The following PCDHA6 variants were observed in gnomAD, a reference collection of about 807,000 sequenced individuals.
PCDHA6 encodes protocadherin alpha 6.
PCDHA6 carries 55 observed loss-of-function variants against 60.3 expected under a neutral mutation model. The ratio of observed to expected loss-of-function variants is 0.91; its 90% CI spans 0.73 to 1.14. The LOEUF is 1.14. PCDHA6 is among the 50% of genes most tolerant of loss of function. The pLI is 0.00. For synonymous variants in PCDHA6, 652 were observed against 557.9 expected (o/e 1.17, Z -2.38); for missense variants, 1,327 against 1,256.5 (o/e 1.06, Z -0.85).
At chr5:140,922,577 T>C (rs155818) in intron 1 of PCDHA6, among the ~76,000 whole-genome samples, 48,013 of 152,060 alleles carry the variant, frequency 0.32, 7,938 homozygotes, top group East Asian at 0.53. Flanking sequence ...AGTTGCCCTG[T>C]AGCCGCCAGT....
At chr5:140,947,153 C>T (rs1306730368) in intron 1 of PCDHA6, among the ~76,000 whole-genome samples, 4 of 150,836 alleles carry the variant, frequency 2.7e-5, no homozygotes, top group African/African-American at 4.9e-5. Context: ...GTTACTTCCA[C>T]GGGGTAGAAA....
chr5:140,904,716 G>T, intron 1 of PCDHA6, among the ~76,000 whole-genome samples: 1 of 151,886 alleles, frequency 6.6e-6, no homozygotes. Context: ...ACCACATTCT[G>T]GCCAACATCT....
intron 1 of PCDHA6, chr5:140,835,800 C>T (rs1773939889): frequency 2.5e-6 from 4 of 1,612,944 alleles, no homozygotes; most frequent in Non-Finnish European, 3.4e-6. Context: ...GCCGGGCTGC[C>T]ACATCTTCAC....
chr5:140,981,948 G>T (rs544785800), intron 2 of PCDHA6, among the ~76,000 whole-genome samples: 26 of 152,230 alleles, frequency 1.7e-4, no homozygotes, highest in African/African-American at 6.0e-4. Context: ...TATAGGGTGG[G>T]TCATCTATGC....
chr5:140,966,800 G>T, intron 1 of PCDHA6: 1 of 1,540,654 alleles, frequency 6.5e-7, no homozygotes, highest in East Asian at 2.4e-5. Flanking sequence ...TGCGGCGACA[G>T]AGCATCCACG....
At chr5:140,856,715 G>A (rs1233191211) in intron 1 of PCDHA6, 4 of 1,596,328 alleles carry the variant, frequency 2.5e-6, no homozygotes, top group Admixed American at 1.7e-5. Context: ...TGAATTTACC[G>A]GATCTGTTTC....
At chr5:140,876,762 G>T in intron 1 of PCDHA6, 1 of 1,614,252 alleles carries the variant, frequency 6.2e-7, no homozygotes, top group South Asian at 1.1e-5. Flanking sequence ...CGCGGGATGG[G>T]GGCTCGCCTT....
intron 1 of PCDHA6, chr5:140,861,255 C>T (rs533071435): frequency 3.0e-5 from 5 of 166,616 alleles, no homozygotes; most frequent in African/African-American, 4.8e-5. Context: ...GGCCAGGAAT[C>T]CCGGAGCCTA....
intron 1 of PCDHA6, among the ~76,000 whole-genome samples, chr5:140,898,521 AGGG>A (rs1583310812): frequency 6.6e-6 from 1 of 152,252 alleles, no homozygotes; most frequent in East Asian, 1.9e-4. Context: ...GTTATTTCTG[AGGG>A]CTCTGTTCTG....
chr5:140,873,031 G>A (rs782124612), intron 1 of PCDHA6, among the ~76,000 whole-genome samples: 3 of 152,110 alleles, frequency 2.0e-5, no homozygotes, highest in East Asian at 1.9e-4. Context: ...CTTACTACAC[G>A]TAGAGTGGTG....
Position 140,851,554 on chromosome 5 carries a change from A to G in PCDHA6, c.2394+21069A>G. On this transcript the variant is annotated intron_variant, in intron 1 of 3. Transcript: ENST00000529310. Reference sequence around the variant, plus strand: ...AATGTAGATAATTCAAGAAATGTTGACTGAAATTTTGTCTACACTTAGAAC... The same window carrying G: ...AATGTAGATAATTCAAGAAATGTTGGCTGAAATTTTGTCTACACTTAGAAC... 9.9e-6 allele frequency: 9 copies of G among 909,036 alleles called. 1 individual carries two copies. The highest frequency in any genetic ancestry group is 1.1e-5 in the Non-Finnish European group (8 of 746,402). The allele number at this position is 909,036 out of a possible 1,614,324, so 56.3% of individuals were successfully genotyped here.
intron 1 of PCDHA6, among the ~76,000 whole-genome samples, chr5:140,872,251 T>C (rs557937835): frequency 3.3e-5 from 5 of 152,196 alleles, no homozygotes; most frequent in Non-Finnish European, 7.3e-5. Flanking sequence ...CCTGTGATAA[T>C]ACTTGTTTTC....
At chr5:140,945,131 A>C (rs1484443084) in intron 1 of PCDHA6, among the ~76,000 whole-genome samples, 1 of 152,202 alleles carries the variant, frequency 6.6e-6, no homozygotes, top group Non-Finnish European at 1.5e-5. Context: ...CAACTTACAA[A>C]AATCAATAGC....
intron 1 of PCDHA6, among the ~76,000 whole-genome samples, chr5:140,906,402 A>G (rs1378425113): frequency 1.3e-5 from 2 of 152,268 alleles, no homozygotes; most frequent in African/African-American, 4.8e-5. Flanking sequence ...AAATTTTCAT[A>G]TGAAGTCAAT....
intron 1 of PCDHA6, among the ~76,000 whole-genome samples, chr5:140,855,693 A>G (rs2043577719): frequency 6.7e-6 from 1 of 149,800 alleles, no homozygotes; most frequent in African/African-American, 2.5e-5. Context: ...TTAAGAAAAC[A>G]TTGCACGTGG....
At chr5:140,986,950 A>C (rs1161887732) in intron 3 of PCDHA6, among the ~76,000 whole-genome samples, 1 of 152,164 alleles carries the variant, frequency 6.6e-6, no homozygotes, top group Admixed American at 6.5e-5. Flanking sequence ...GTGGTCGCTC[A>C]TGCCTGTAAT....
Position 140,927,948 on chromosome 5 carries a change from C to T in PCDHA6, c.2395-51001C>T, listed in dbSNP as rs1012110026. The T allele has an allele frequency of 4.3e-6, 7 of 1,614,072 alleles. No homozygotes were observed. In the African/African-American group the frequency reaches 5.3e-5, roughly 12 times the overall value. On this transcript the variant is annotated intron_variant, in intron 1 of 3. Transcript: ENST00000529310. The stretch of plus-strand genomic sequence containing the variant: ...CTCTTTCGAACCCAGTACCTGAGGA[C>T]GCTGCCCCTGGCACAGTGATTGCTC...
chr5:140,998,243 C>T (rs1554256209), intron 3 of PCDHA6, among the ~76,000 whole-genome samples: 1 of 152,164 alleles, frequency 6.6e-6, no homozygotes, highest in Non-Finnish European at 1.5e-5. Context: ...CATTATTATA[C>T]TCATTTTACT....
intron 1 of PCDHA6, chr5:140,883,678 G>A (rs555791080): frequency 3.7e-6 from 6 of 1,613,902 alleles, no homozygotes; most frequent in South Asian, 3.3e-5. Flanking sequence ...ACAATCCGCC[G>A]GGCTGCCACA....
Sources: allele counts gnomAD v4.1 joint callset (sites outside exome capture counted in the v4.1 genomes callset), GRCh38; gene constraint gnomAD v4.1.1; transcripts MANE v1.5; gene names NCBI Gene and HGNC (gene_info 2026-07-23, HGNC 2026-07-21).